The following RNF182 variants were observed in gnomAD, a reference collection of about 807,000 sequenced individuals.
The protein encoded by RNF182 is ring finger protein 182, also known as E3 ubiquitin-protein ligase RNF182.
A neutral mutation model predicts 14.4 loss-of-function variants in RNF182; 15 were observed. That is an observed-to-expected ratio of 1.04 (90% confidence interval 0.70 to 1.60). The LOEUF is 1.60. Ranked by LOEUF, RNF182 falls within the 40% of genes most tolerant of loss-of-function variation. The probability of loss-of-function intolerance (pLI) is 0.00; values close to 1 mark genes in which losing one functional copy is unlikely to be tolerated. For missense variants in RNF182, 268 were observed against 294.8 expected (o/e 0.91, Z 0.67); for synonymous variants, 128 against 122.9 (o/e 1.04, Z -0.27).
At chr6:13,951,450 G>C (rs143735413) in intron 1 of RNF182, among the ~76,000 whole-genome samples, 7 of 152,164 alleles carry the variant, frequency 4.6e-5, no homozygotes, top group Non-Finnish European at 8.8e-5. Flanking sequence ...GGACATTTCC[G>C]TACCTTCCAG....
At chr6:13,952,910 A>G (rs1227413990) in intron 1 of RNF182, among the ~76,000 whole-genome samples, 1 of 152,224 alleles carries the variant, frequency 6.6e-6, no homozygotes, top group African/African-American at 2.4e-5. Context: ...GATGTGCTCT[A>G]CTACAACGGC....
intron 1 of RNF182, among the ~76,000 whole-genome samples, chr6:13,972,705 G>A (rs904958647): frequency 3.3e-5 from 5 of 152,194 alleles, no homozygotes; most frequent in Admixed American, 2.0e-4. Context: ...GCCTGTGGGT[G>A]CACAGAAGTC....
intron 1 of RNF182, chr6:13,948,948 C>A (rs1256940294): frequency 3.8e-6 from 1 of 261,238 alleles, no homozygotes; most frequent in Non-Finnish European, 7.2e-6. Flanking sequence ...AGCCAAATTT[C>A]ACTTTTGCAT....
chr6:13,956,010 T>C (rs1759719811), intron 1 of RNF182, among the ~76,000 whole-genome samples: 1 of 152,228 alleles, frequency 6.6e-6, no homozygotes, highest in African/African-American at 2.4e-5. Flanking sequence ...AAACTTTTTA[T>C]TAGCTCCCAC....
chr6:13,978,030 A>C lies in RNF182; in HGVS notation c.*167A>C. 1.3e-6 allele frequency: 1 copy of C among 794,280 alleles called. No individual in the cohort carries two copies. Among genetic ancestry groups the C allele is most frequent in the South Asian group, 2.1e-5 (1 of 47,144 alleles). The allele number at this position is 794,280 out of a possible 1,614,324, so 49.2% of individuals were successfully genotyped here. ...TGGTTTTCCTGTAGGCTGGAAGTAA[A>C]AATGTTCATTTCTACTTAGGGGTTA... On this transcript the variant is annotated 3_prime_UTR_variant, in exon 3 of 3. Coordinates refer to ENST00000488300, the MANE Select transcript of RNF182 (RefSeq NM_152737.4).
intron 1 of RNF182, among the ~76,000 whole-genome samples, chr6:13,968,173 GTA>G (rs1302198316): frequency 3.9e-5 from 6 of 152,168 alleles, no homozygotes; most frequent in African/African-American, 1.4e-4. Context: ...GAAAAGCACA[GTA>G]AAATAGTTTG....
At chr6:13,944,269 C>G (rs1390821591) in intron 1 of RNF182, among the ~76,000 whole-genome samples, 1 of 152,136 alleles carries the variant, frequency 6.6e-6, no homozygotes, top group African/African-American at 2.4e-5. Context: ...TTGGCTAGAA[C>G]CAACAGTAAG....
chr6:13,928,578 G>T (rs1758889820), intron 1 of RNF182, among the ~76,000 whole-genome samples: 1 of 152,026 alleles, frequency 6.6e-6, no homozygotes, highest in Non-Finnish European at 1.5e-5. Flanking sequence ...TTTGTAATTT[G>T]ATCAGAAAAT....
chr6:13,942,791 T>C (rs888924005), intron 1 of RNF182, among the ~76,000 whole-genome samples: 1 of 152,238 alleles, frequency 6.6e-6, no homozygotes, highest in African/African-American at 2.4e-5. Context: ...CTATTTTCCA[T>C]TGTATTTTTT....
chr6:13,973,048 C>G (rs1375344253), intron 1 of RNF182, among the ~76,000 whole-genome samples: 1 of 152,222 alleles, frequency 6.6e-6, no homozygotes, highest in African/African-American at 2.4e-5. Context: ...GCCACAGGGG[C>G]AGGGCTGTCC....
At chr6:13,928,141 T>G (rs1435041220) in intron 1 of RNF182, among the ~76,000 whole-genome samples, 1 of 152,364 alleles carries the variant, frequency 6.6e-6, no homozygotes, top group East Asian at 1.9e-4. Context: ...AAAATGGAGA[T>G]AAGATGTCTT....
intron 1 of RNF182, among the ~76,000 whole-genome samples, chr6:13,937,796 C>T (rs374504855): frequency 6.6e-6 from 1 of 152,024 alleles, no homozygotes; most frequent in Non-Finnish European, 1.5e-5. Context: ...TATGAAAGTT[C>T]TAGTTGTTTC....
At chr6:13,952,331 A>G (rs1275684609) in intron 1 of RNF182, among the ~76,000 whole-genome samples, 1 of 152,156 alleles carries the variant, frequency 6.6e-6, no homozygotes, top group Non-Finnish European at 1.5e-5. Context: ...ACTATCCTGT[A>G]CATGCCTAAT....
intron 1 of RNF182, among the ~76,000 whole-genome samples, chr6:13,929,821 C>T (rs1758920844): frequency 6.6e-6 from 1 of 152,142 alleles, no homozygotes; most frequent in African/African-American, 2.4e-5. Flanking sequence ...GAAATAATGA[C>T]ACTAATTATT....
intron 1 of RNF182, among the ~76,000 whole-genome samples, chr6:13,927,033 C>T (rs959350189): frequency 6.6e-6 from 1 of 152,024 alleles, no homozygotes; most frequent in Non-Finnish European, 1.5e-5. Context: ...CACACGGGCA[C>T]AACATTCAAT....
intron 1 of RNF182, among the ~76,000 whole-genome samples, chr6:13,957,378 A>G (rs749155497): frequency 3.3e-5 from 5 of 152,232 alleles, no homozygotes; most frequent in Non-Finnish European, 5.9e-5. Flanking sequence ...AATTTAATCT[A>G]TAGTTCTTTT....
chr6:13,928,809 C>G (rs1043564095), intron 1 of RNF182, among the ~76,000 whole-genome samples: 2 of 145,128 alleles, frequency 1.4e-5, no homozygotes, highest in Non-Finnish European at 1.5e-5. Flanking sequence ...TTAAAGAGAT[C>G]AATACATACT....
rs368857671 is a variant in RNF182, at chr6:13,977,667, G to A, written c.548G>A (p.Arg183Gln). ...TCCCTGCTGTTTCAGACATCCATCC[G>A]GGTGTTAGTGTGGTTGCTAGGTTTG... ...CTSLLFQTSI[R>Q]VLVWLLGLLY... is the part of the protein sequence containing the mutation. The change falls in exon 3 of 3, where the codon CGG becomes CAG. Residue 183 changes from arginine to glutamine, a missense_variant. Arg to Gln is a conservative substitution (Grantham distance 43, BLOSUM62 1). Transcript: ENST00000488300. The A allele has an allele frequency of 2.1e-5, 34 of 1,614,032 alleles. No individual in the cohort carries two copies. The highest frequency in any genetic ancestry group is 1.6e-4 in the Middle Eastern group (1 of 6,082).
intron 1 of RNF182, among the ~76,000 whole-genome samples, chr6:13,925,584 C>T (rs971275246): frequency 6.6e-6 from 1 of 152,060 alleles, no homozygotes; most frequent in African/African-American, 2.4e-5. Flanking sequence ...GCAGTTGCAC[C>T]TATAACTGGA....
Sources: gnomAD v4.1 joint callset for allele counts (sites outside exome capture counted in the v4.1 genomes callset) on GRCh38, gnomAD v4.1.1 for gene constraint, MANE v1.5 for transcripts, NCBI Gene and HGNC (gene_info 2026-07-23, HGNC 2026-07-21) for gene names.